KLHL29: variants seen among roughly 807,000 people sequenced by gnomAD.
KLHL29 encodes kelch-like protein 29.
KLHL29 carries 21 observed loss-of-function variants against 80.4 expected under a neutral mutation model. That is an observed-to-expected ratio of 0.26 (90% CI 0.19 to 0.38). The LOEUF is 0.38. Ranked by LOEUF, KLHL29 falls within the 10% of genes least tolerant of loss-of-function variation. The pLI, the probability that KLHL29 is intolerant of heterozygous loss-of-function variation, is 1.00. For missense variants in KLHL29, 867 were observed against 1,223.9 expected (o/e 0.71, Z 4.35); for synonymous variants, 511 against 526.8 (o/e 0.97, Z 0.41).
intron 7 of KLHL29, among the ~76,000 whole-genome samples, chr2:23,692,212 G>A (rs1460221629): frequency 6.6e-6 from 1 of 152,210 alleles, no homozygotes; most frequent in Non-Finnish European, 1.5e-5. Context: ...TGGCCTCACA[G>A]TCCTGTTCTC....
rs931430775 is a variant in KLHL29 at position 23,585,305 on chromosome 2, T to C, written c.285+22824T>C. Reference sequence around the variant, plus strand: ...GGTGGAATCCGTTACTGAAAGATTCTTGGAGTCTAGCGGTGATAGCTGCAG... The same window carrying C: ...GGTGGAATCCGTTACTGAAAGATTCCTGGAGTCTAGCGGTGATAGCTGCAG... On this transcript the variant is annotated intron_variant, in intron 3 of 13. Transcript: ENST00000486442. Among the ~76,000 whole-genome samples, 9 of 152,240 alleles carry C rather than the reference T, an allele frequency of 5.9e-5. No individual in the cohort carries two copies. The East Asian group carries it at 1.7e-3, about 29-fold the overall frequency.
chr2:23,506,390 A>G (rs1251993918), intron 2 of KLHL29, among the ~76,000 whole-genome samples: 2 of 152,200 alleles, frequency 1.3e-5, no homozygotes, highest in African/African-American at 4.8e-5. Flanking sequence ...CTAGTAACAG[A>G]GCCAGGCCCT....
At chr2:23,446,437 G>A (rs1041571100) in intron 1 of KLHL29, among the ~76,000 whole-genome samples, 4 of 152,080 alleles carry the variant, frequency 2.6e-5, no homozygotes, top group African/African-American at 9.7e-5. Context: ...CCATAGTCGA[G>A]AGCCAGCCCA....
intron 2 of KLHL29, among the ~76,000 whole-genome samples, chr2:23,558,092 C>T (rs892151348): frequency 6.6e-6 from 1 of 152,212 alleles, no homozygotes; most frequent in Non-Finnish European, 1.5e-5. Flanking sequence ...ATCACCTCCC[C>T]ACCCATCCTA....
intron 2 of KLHL29, among the ~76,000 whole-genome samples, chr2:23,560,280 T>G (rs1022793250): frequency 7.0e-6 from 1 of 143,558 alleles, no homozygotes; most frequent in African/African-American, 2.6e-5. Context: ...TTTTTTTTTT[T>G]TTTTTTTTTG....
chr2:23,502,797 T>C (rs1235290599), intron 2 of KLHL29, among the ~76,000 whole-genome samples: 1 of 152,104 alleles, frequency 6.6e-6, no homozygotes, highest in East Asian at 1.9e-4. Flanking sequence ...GCACCCTGCA[T>C]CTGTCTCTCC....
chr2:23,397,207 G>A lies in KLHL29; in HGVS notation c.-154+11427G>A, dbSNP rs149000913. 6.0e-3 allele frequency among the ~76,000 whole-genome samples: 910 copies of A among 152,288 alleles called. 1 individual carries two copies. The highest frequency in any genetic ancestry group is 9.1e-3 in the Non-Finnish European group (620 of 68,030). ...CTTGATGGGATAAAGGCACACAAAC[G>A]GCCCTCCTGTGGCAGGGGCTCCAGC... On this transcript the variant is annotated intron_variant, in intron 1 of 13. Coordinates refer to ENST00000486442, the MANE Select transcript of KLHL29 (RefSeq NM_052920.2).
intron 1 of KLHL29, among the ~76,000 whole-genome samples, chr2:23,396,079 G>C (rs1446925031): frequency 6.6e-6 from 1 of 152,206 alleles, no homozygotes; most frequent in African/African-American, 2.4e-5. Flanking sequence ...TAACAATTGG[G>C]TCTAGAATCC....
chr2:23,686,976 G>A (rs988615651), intron 6 of KLHL29, among the ~76,000 whole-genome samples: 7 of 152,178 alleles, frequency 4.6e-5, no homozygotes. Context: ...TTCCTTTCCT[G>A]CCGTGTAAAA....
chr2:23,556,874 G>C (rs965006586), intron 2 of KLHL29, among the ~76,000 whole-genome samples: 2 of 152,184 alleles, frequency 1.3e-5, no homozygotes, highest in African/African-American at 4.8e-5. Flanking sequence ...GATTTTTCTA[G>C]CCTCTAGAGC....
intron 1 of KLHL29, among the ~76,000 whole-genome samples, chr2:23,428,716 C>T (rs372042305): frequency 6.6e-6 from 1 of 152,174 alleles, no homozygotes; most frequent in Non-Finnish European, 1.5e-5. Flanking sequence ...TCCCTCTTCT[C>T]GTGCCCAAAC....
intron 5 of KLHL29, among the ~76,000 whole-genome samples, chr2:23,662,418 T>C (rs1572475913): frequency 1.3e-5 from 2 of 152,204 alleles, no homozygotes; most frequent in Non-Finnish European, 2.9e-5. Context: ...GAGGCATTTG[T>C]TGTTTGTTGA....
Position 23,610,679 on chromosome 2 carries a change from CTG to C in KLHL29, c.286-28455_286-28454del, listed in dbSNP as rs1349880608. Among the ~76,000 whole-genome samples, 86 of 152,346 alleles carry C rather than the reference CTG, an allele frequency of 5.6e-4. 1 individual carries two copies. Among genetic ancestry groups the C allele is most frequent in the Non-Finnish European group, 1.2e-4 (8 of 68,038 alleles). On this transcript the variant is annotated intron_variant, in intron 3 of 13. Transcript: ENST00000486442. Reference sequence around the variant, plus strand: ...CTTGGTCCTGGGACAAGAAATAGCCCTGTGTGGTGGGGCGGGTGCCCTGAAAT... The same window carrying C: ...CTTGGTCCTGGGACAAGAAATAGCCCTGTGGTGGGGCGGGTGCCCTGAAAT...
intron 1 of KLHL29, among the ~76,000 whole-genome samples, chr2:23,440,807 A>T (rs76882959): frequency 8.6e-5 from 13 of 151,670 alleles, no homozygotes; most frequent in Non-Finnish European, 1.9e-4. Context: ...TGGAATGGCA[A>T]TCATTAAAAA....
chr2:23,391,368 A>G (rs1047197081), intron 1 of KLHL29, among the ~76,000 whole-genome samples: 5 of 152,158 alleles, frequency 3.3e-5, no homozygotes, highest in Non-Finnish European at 7.3e-5. Context: ...ACAGGAGTAT[A>G]AGACATCCTG....
intron 3 of KLHL29, among the ~76,000 whole-genome samples, chr2:23,636,019 T>A (rs1669598302): frequency 6.6e-6 from 1 of 152,214 alleles, no homozygotes; most frequent in South Asian, 2.1e-4. Flanking sequence ...GCAGACATTC[T>A]GAACCATGGG....
At chr2:23,454,757 A>G (rs950687759) in intron 1 of KLHL29, among the ~76,000 whole-genome samples, 4 of 151,036 alleles carry the variant, frequency 2.6e-5, no homozygotes, top group Admixed American at 1.3e-4. Flanking sequence ...TTTTTCTGCA[A>G]TCTCTCCCCG....
chr2:23,559,440 A>G (rs184591922), intron 2 of KLHL29, among the ~76,000 whole-genome samples: 4 of 152,202 alleles, frequency 2.6e-5, no homozygotes, highest in Admixed American at 2.0e-4. Context: ...GGGGGCGGGC[A>G]GGCAGGCAGG....
chr2:23,512,409 C>T (rs777373911), intron 2 of KLHL29, among the ~76,000 whole-genome samples: 3 of 150,904 alleles, frequency 2.0e-5, no homozygotes, highest in Middle Eastern at 3.4e-3. Flanking sequence ...CGCGCCATTG[C>T]ACTCCAGCCT....
Sources: gnomAD v4.1 joint callset for allele counts (sites outside exome capture counted in the v4.1 genomes callset) on GRCh38, gnomAD v4.1.1 for gene constraint, MANE v1.5 for transcripts, NCBI Gene and HGNC (gene_info 2026-07-23, HGNC 2026-07-21) for gene names.